LRFN2: variants seen among roughly 807,000 people sequenced by gnomAD.
The protein encoded by LRFN2 is leucine-rich repeat and fibronectin type-III domain-containing protein 2.
LRFN2 carries 18 observed loss-of-function variants against 37.3 expected under a neutral mutation model. The ratio of observed to expected loss-of-function variants is 0.48; its 90% CI spans 0.33 to 0.72. LRFN2 has a LOEUF of 0.72. LRFN2 is among the 30% of genes least tolerant of loss of function. The probability of loss-of-function intolerance (pLI) is 0.02; values close to 1 mark genes in which losing one functional copy is unlikely to be tolerated. For synonymous variants in LRFN2, 556 were observed against 466.6 expected (o/e 1.19, Z -2.47); for missense variants, 1,006 against 1,060.7 (o/e 0.95, Z 0.72).
At chr6:40,449,494 A>T (rs1221693927) in intron 1 of LRFN2, among the ~76,000 whole-genome samples, 2 of 152,234 alleles carry the variant, frequency 1.3e-5, no homozygotes, top group East Asian at 1.9e-4. Context: ...GAGAAAGGTC[A>T]TGCCTGTCTT....
rs368469849 is a variant in LRFN2, at chr6:40,563,852, C to G, written c.-19+23089G>C. 2.2e-3 allele frequency among the ~76,000 whole-genome samples: 329 copies of G among 152,238 alleles called. 1 individual carries two copies. Among genetic ancestry groups the G allele is most frequent in the African/African-American group, 7.7e-3 (319 of 41,542 alleles). On this transcript the variant is annotated intron_variant, in intron 1 of 2. Coordinates refer to ENST00000338305, the MANE Select transcript of LRFN2 (RefSeq NM_020737.3). ...CACTACGATTACCATGGATACCACC[C>G]CTTCTCTCATTTCACCACCTGATTA... is the stretch of plus-strand genomic sequence containing the variant.
intron 2 of LRFN2, among the ~76,000 whole-genome samples, chr6:40,428,586 T>C (rs9462618): frequency 0.21 from 32,038 of 152,038 alleles, 3,690 homozygotes; most frequent in East Asian, 0.3. Flanking sequence ...ACCACAGGGG[T>C]TGAGTCTGGG....
Position 40,392,392 on chromosome 6 carries a change from T to C in LRFN2, c.1921A>G (p.Arg641Gly). The C allele has an allele frequency of 1.3e-6, 2 of 1,582,572 alleles. No individual in the cohort carries two copies. Among genetic ancestry groups the C allele is most frequent in the Non-Finnish European group, 1.7e-6 (2 of 1,164,630 alleles). The change falls in exon 3 of 3, where the codon AGG becomes GGG. Residue 641 changes from arginine (R) to glycine (G), a missense_variant. Coordinates refer to ENST00000338305, the MANE Select transcript of LRFN2 (RefSeq NM_020737.3). This position sits in a 1 kb window ranked among gnomAD's most constrained non-coding sequence, Gnocchi z 4.7. ...EAAGLGRAPWRIPPSAPRPKP... is the reference protein window; with the variant it reads ...EAAGLGRAPWGIPPSAPRPKP... ...GGGCGCGGGGCGGAGGGTGGGATCC[T>C]CCAGGGGGCCCGTCCCAGCCCCGCA...
At chr6:40,485,321 C>T (rs2113866159) in intron 1 of LRFN2, among the ~76,000 whole-genome samples, 1 of 152,256 alleles carries the variant, frequency 6.6e-6, no homozygotes, top group African/African-American at 2.4e-5. Context: ...GTGGTTTTGA[C>T]TTTGATTAAA....
At chr6:40,556,928 T>C (rs10947893) in intron 1 of LRFN2, among the ~76,000 whole-genome samples, 72,065 of 151,910 alleles carry the variant, frequency 0.47, 18,134 homozygotes, top group African/African-American at 0.64. Flanking sequence ...TTTGATTTTG[T>C]CTAATCCACA....
chr6:40,529,947 C>T (rs534497606), intron 1 of LRFN2, among the ~76,000 whole-genome samples: 1 of 152,180 alleles, frequency 6.6e-6, no homozygotes, highest in African/African-American at 2.4e-5. Flanking sequence ...ATTGCAGATA[C>T]CCAAATAGAA....
At chr6:40,441,360 G>A (rs778499228) in intron 1 of LRFN2, among the ~76,000 whole-genome samples, 30 of 152,156 alleles carry the variant, frequency 2.0e-4, no homozygotes, top group African/African-American at 6.5e-4. Flanking sequence ...AACAGTGGGC[G>A]TGTGTGACAG....
chr6:40,394,914 G>A (rs2082559), intron 2 of LRFN2, among the ~76,000 whole-genome samples: 15,051 of 151,290 alleles, frequency 0.099, 1,134 homozygotes, highest in East Asian at 0.3. Context: ...GGCCTCCCCA[G>A]CCATGTGGAA....
intron 1 of LRFN2, among the ~76,000 whole-genome samples, chr6:40,582,121 G>A (rs893517166): frequency 1.3e-5 from 2 of 152,160 alleles, no homozygotes; most frequent in Non-Finnish European, 2.9e-5. Flanking sequence ...TAAGGCAAGA[G>A]GGAGCCTGCT....
intron 1 of LRFN2, among the ~76,000 whole-genome samples, chr6:40,456,476 C>T (rs943581123): frequency 6.6e-6 from 1 of 152,166 alleles, no homozygotes; most frequent in Non-Finnish European, 1.5e-5. Context: ...TGTAGCTAGC[C>T]TGAGTACTTA....
intron 1 of LRFN2, among the ~76,000 whole-genome samples, chr6:40,585,832 TGCGTACACACACACAC>T (rs1477615891): frequency 1.3e-5 from 2 of 150,782 alleles, no homozygotes; most frequent in South Asian, 2.1e-4. Flanking sequence ...AACATACACA[TGCGTACACACACACAC>T]GCGTACACAC....
At chr6:40,562,781 C>T (rs1767022166) in intron 1 of LRFN2, among the ~76,000 whole-genome samples, 1 of 151,748 alleles carries the variant, frequency 6.6e-6, no homozygotes. Context: ...GACTCCTAAG[C>T]CTCCATGGTA....
At position 40,433,090 on chromosome 6, in the gene LRFN2, C is replaced by A; in HGVS notation, c.24G>T (p.Leu8=). Residue 8 remains leucine, a synonymous_variant, in exon 2 of 3, where the codon CTG becomes CTT. Coordinates refer to ENST00000338305, the MANE Select transcript of LRFN2 (RefSeq NM_020737.3). ...CGGCAAACGCCATGCCAAACGCTAG[C>A]AGGCCACCAAGCAGGGTCTCCATGG... The part of the protein sequence containing the change: METLLGG[L]LAFGMAFAVV... 1 of 1,526,566 alleles carries A rather than the reference C, an allele frequency of 6.6e-7. No individual in the cohort carries two copies. The highest frequency in any genetic ancestry group is 8.8e-7 in the Non-Finnish European group (1 of 1,138,478). The allele number at this position is 1,526,566 out of a possible 1,614,324, so 94.6% of individuals were successfully genotyped here.
intron 2 of LRFN2, among the ~76,000 whole-genome samples, chr6:40,419,645 C>A (rs956031384): frequency 4.6e-5 from 7 of 152,188 alleles, no homozygotes; most frequent in Non-Finnish European, 4.4e-5. Flanking sequence ...GGGGCCCTCA[C>A]AGGCCTTTGA....
Position 40,576,802 on chromosome 6 carries a change from G to C in LRFN2, c.-19+10139C>G, listed in dbSNP as rs553708755. Among the ~76,000 whole-genome samples, 46 of 152,034 alleles carry C rather than the reference G, an allele frequency of 3.0e-4. No individual in the cohort carries two copies. In the South Asian group the frequency reaches 7.7e-3, roughly 25 times the overall value. On this transcript the variant is annotated intron_variant, in intron 1 of 2. Transcript: ENST00000338305. ...AAGCAGACAGTGGCTGGGAGGCCTG[G>C]GCTTCAGTCGGGTCCCACCCCCAGC... is the stretch of plus-strand genomic sequence containing the variant.
chr6:40,565,545 C>A (rs543398106), intron 1 of LRFN2, among the ~76,000 whole-genome samples: 1 of 152,152 alleles, frequency 6.6e-6, no homozygotes, highest in Admixed American at 6.5e-5. Context: ...AGATATAGAC[C>A]AATGGAACAG....
chr6:40,530,886 T>C (rs1010302985), intron 1 of LRFN2, among the ~76,000 whole-genome samples: 1 of 152,194 alleles, frequency 6.6e-6, no homozygotes, highest in Non-Finnish European at 1.5e-5. Flanking sequence ...TTTGCCTTCC[T>C]GGTCTGGGTA....
intron 1 of LRFN2, among the ~76,000 whole-genome samples, chr6:40,467,994 A>T (rs1581728689): frequency 6.6e-6 from 1 of 152,110 alleles, no homozygotes; most frequent in East Asian, 1.9e-4. Context: ...CTGACAGGAC[A>T]TACTCATCCA....
At chr6:40,518,098 C>A (rs1012077281) in intron 1 of LRFN2, among the ~76,000 whole-genome samples, 3 of 152,144 alleles carry the variant, frequency 2.0e-5, no homozygotes, top group African/African-American at 7.2e-5. Flanking sequence ...TGCTGTGTGA[C>A]CTTGGGTGAA....
Sources: gnomAD v4.1 joint callset for allele counts (sites outside exome capture counted in the v4.1 genomes callset) on GRCh38, gnomAD v4.1.1 for gene constraint, Gnocchi (gnomAD v3.1) non-coding constraint, MANE v1.5 for transcripts, NCBI Gene and HGNC (gene_info 2026-07-23, HGNC 2026-07-21) for gene names.